The following TMEM255B variants were observed in gnomAD, a reference collection of about 807,000 sequenced individuals.
TMEM255B encodes family with sequence similarity 70, member B.
Under a neutral mutation model 34.5 loss-of-function variants are expected in TMEM255B, and 35 were observed. The observed-to-expected ratio is 1.01, with a 90% CI of 0.77 to 1.34. The LOEUF is 1.34. Among genes scored for constraint, TMEM255B ranks in the 40% most tolerant of loss-of-function variants. The pLI, the probability that TMEM255B is intolerant of heterozygous loss-of-function variation, is 0.00. For synonymous variants in TMEM255B, 206 were observed against 201.2 expected (o/e 1.02, Z -0.20); for missense variants, 432 against 433.2 (o/e 1.00, Z 0.02).
rs145687687 is a variant in TMEM255B, at chr13:113,768,323, T to C, written c.190-775T>C. 1.5e-3 allele frequency: 696 copies of C among 449,148 alleles called. 8 individuals are homozygous for C. The highest frequency in any genetic ancestry group is 8.5e-3 in the South Asian group (536 of 62,808). The allele number at this position is 449,148 out of a possible 1,614,324, so 27.8% of individuals were successfully genotyped here. A position where few individuals can be genotyped will look rare whatever the true frequency, so the allele number is the denominator to read the frequency against. On this transcript the variant is annotated intron_variant, in intron 2 of 8. Transcript: ENST00000375353. ...TGATTTTAAAAATTCCTCTGCCAGG[T>C]GGGCGTCACCTGCCAGGACGGGCCC...
At chr13:113,774,844 C>A (rs555582287) in intron 3 of TMEM255B, among the ~76,000 whole-genome samples, 79 of 151,070 alleles carry the variant, frequency 5.2e-4, no homozygotes, top group Non-Finnish European at 9.0e-4. Flanking sequence ...ACACACACAA[C>A]ACACAATGCA....
In TMEM255B at chr13:113,814,822, G is replaced by T. The variant is rs1489194245; in HGVS notation, c.*2919G>T. On this transcript the variant is annotated 3_prime_UTR_variant, in exon 9 of 9. Coordinates refer to ENST00000375353, the MANE Select transcript of TMEM255B (RefSeq NM_182614.4). ...CACAGCCGAGGTCAGTGAGACCCTG[G>T]AGGCCGCGGGAGATGGGGTGGAGGG... 1 of 151,152 alleles carries T rather than the reference G, an allele frequency of 6.6e-6. No homozygotes were observed. The highest frequency in any genetic ancestry group is 1.5e-5 in the Non-Finnish European group (1 of 67,754). 9.4% of individuals were successfully genotyped at this position (151,152 alleles called of 1,614,324 possible). A position where few individuals can be genotyped will look rare whatever the true frequency, so the allele number is the denominator to read the frequency against.
At chr13:113,805,611 C>T (rs969769866) in intron 8 of TMEM255B, among the ~76,000 whole-genome samples, 6 of 152,170 alleles carry the variant, frequency 3.9e-5, no homozygotes, top group South Asian at 4.1e-4. Context: ...TGAAACAGAC[C>T]GGGCCACGTT....
At chr13:113,788,884 G>GCCTC (rs1259968555) in intron 3 of TMEM255B, among the ~76,000 whole-genome samples, 11 of 151,748 alleles carry the variant, frequency 7.2e-5, no homozygotes, top group East Asian at 1.9e-4. Context: ...GCCGCGCCGC[G>GCCTC]CCTCCCTCCC....
chr13:113,808,267 T>G (rs1313882044), intron 8 of TMEM255B, among the ~76,000 whole-genome samples: 1 of 152,128 alleles, frequency 6.6e-6, no homozygotes, highest in Non-Finnish European at 1.5e-5. Context: ...AAGGACAATT[T>G]AAAGAGATCA....
intron 3 of TMEM255B, among the ~76,000 whole-genome samples, chr13:113,790,993 T>C (rs1490199758): frequency 6.6e-6 from 1 of 152,260 alleles, no homozygotes; most frequent in African/African-American, 2.4e-5. Context: ...GGAAGTGTTA[T>C]GCATGACCAA....
chr13:113,776,234 G>A (rs966467992), intron 3 of TMEM255B, among the ~76,000 whole-genome samples: 19 of 152,220 alleles, frequency 1.2e-4, no homozygotes, highest in African/African-American at 2.4e-5. Context: ...TGAGTGGAGC[G>A]ACTTGGGGGC....
At chr13:113,804,474 A>C (rs1566330552) in intron 7 of TMEM255B, among the ~76,000 whole-genome samples, 1 of 152,136 alleles carries the variant, frequency 6.6e-6, no homozygotes, top group African/African-American at 2.4e-5. Context: ...AAAAAAGTAA[A>C]AGAGAGCCCG....
intron 7 of TMEM255B, among the ~76,000 whole-genome samples, chr13:113,803,522 C>T (rs560556185): frequency 1.3e-5 from 2 of 148,284 alleles, no homozygotes; most frequent in South Asian, 2.1e-4. Flanking sequence ...GCCTCCTCCG[C>T]GTGTGACTCC....
rs2050385263 is a variant in TMEM255B at position 113,766,182 on chromosome 13, C to T, written c.114C>T (p.Leu38=). ...FVGSLLLVSV[L]IVTVGLAATT... ...GGTCTCTGCTGCTGGTGTCCGTCCT[C>T]ATAGTCACCGTCGGGCTGGCTGCCA... The change falls in exon 2 of 9, where the codon CTC becomes CTT. Residue 38 remains leucine, a synonymous_variant. Transcript: ENST00000375353. The T allele has an allele frequency of 6.2e-7, 1 of 1,614,216 alleles. No individual in the cohort carries two copies. Among genetic ancestry groups the T allele is most frequent in the Admixed American group, 1.7e-5 (1 of 60,032 alleles).
chr13:113,803,149 G>C (rs535146132), intron 7 of TMEM255B: 5 of 147,610 alleles, frequency 3.4e-5, no homozygotes, highest in South Asian at 2.1e-4. Flanking sequence ...GAAGGGGCTC[G>C]TGTGTTCATT....
At position 113,806,231 on chromosome 13, in the gene TMEM255B, C is replaced by T. The variant is rs1259511558; in HGVS notation, c.813+1203C>T. Among the ~76,000 whole-genome samples the T allele has an allele frequency of 6.6e-6, 1 of 152,118 alleles. No individual in the cohort carries two copies. The highest frequency in any genetic ancestry group is 1.5e-5 in the Non-Finnish European group (1 of 68,008). ...TTCTCAGCTCACCTGGGGACCTGCA[C>T]CAGGGACCCCGAGGAGGGAGCAGGA... is the stretch of plus-strand genomic sequence containing the variant. On this transcript the variant is annotated intron_variant, in intron 8 of 8. Coordinates refer to ENST00000375353, the MANE Select transcript of TMEM255B (RefSeq NM_182614.4). The surrounding 1 kb of genome is among the most constrained non-coding windows in gnomAD (Gnocchi z 4.2).
rs916108780 is a variant in TMEM255B at position 113,799,657 on chromosome 13, CAG to C, written c.423+241_423+242del. The C allele has an allele frequency of 6.6e-5, 43 of 646,994 alleles. No homozygotes were observed. In the Admixed American group the frequency reaches 9.0e-4, roughly 13 times the overall value. 40.1% of individuals were successfully genotyped at this position (646,994 alleles called of 1,614,324 possible). A position where few individuals can be genotyped will look rare whatever the true frequency, so the allele number is the denominator to read the frequency against. On this transcript the variant is annotated intron_variant, in intron 5 of 8. Coordinates refer to ENST00000375353, the MANE Select transcript of TMEM255B (RefSeq NM_182614.4). Reference sequence around the variant, plus strand: ...TTGCTTCATTAAATCACAACAGTCTCAGAGTGCACGTGTCCAGTTCTGTATGG... The same window carrying C: ...TTGCTTCATTAAATCACAACAGTCTCAGTGCACGTGTCCAGTTCTGTATGG...
intron 1 of TMEM255B, 91 bp downstream of exon 1, chr13:113,759,406 G>A (rs1304587875): frequency 8.6e-7 from 1 of 1,157,764 alleles, no homozygotes; most frequent in Non-Finnish European, 1.1e-6. Context: ...CGGCCCGGGC[G>A]GAACCTGCGC....
intron 3 of TMEM255B, among the ~76,000 whole-genome samples, chr13:113,788,579 C>T (rs2050779050): frequency 6.6e-6 from 1 of 152,084 alleles, no homozygotes; most frequent in Non-Finnish European, 1.5e-5. Flanking sequence ...GGATTTATGG[C>T]GTACACAGCC....
At chr13:113,765,311 A>G (rs941637449) in intron 1 of TMEM255B, among the ~76,000 whole-genome samples, 2 of 152,168 alleles carry the variant, frequency 1.3e-5, no homozygotes, top group Admixed American at 6.5e-5. Flanking sequence ...GGATGTAACA[A>G]TCCCTTCCTT....
chr13:113,810,500 A>G (rs965895383), intron 8 of TMEM255B, among the ~76,000 whole-genome samples: 5 of 152,162 alleles, frequency 3.3e-5, no homozygotes, highest in African/African-American at 7.2e-5. Context: ...AGCAGAGCCT[A>G]TGGGAGAATA....
At position 113,769,792 on chromosome 13, in the gene TMEM255B, T is replaced by G. The variant is rs979802577; in HGVS notation, c.252+632T>G. The G allele has an allele frequency of 6.6e-6, 1 of 152,520 alleles. No homozygotes were observed. Among genetic ancestry groups the G allele is most frequent in the Non-Finnish European group, 1.5e-5 (1 of 68,296 alleles). 9.4% of individuals were successfully genotyped at this position (152,520 alleles called of 1,614,324 possible). On this transcript the variant is annotated intron_variant, in intron 3 of 8. Coordinates refer to ENST00000375353, the MANE Select transcript of TMEM255B (RefSeq NM_182614.4). The surrounding 1 kb of genome is among the most constrained non-coding windows in gnomAD (Gnocchi z 4.2). The stretch of plus-strand genomic sequence containing the variant: ...AACTTTAAAAACAAAAACTGGCTAA[T>G]TTTGTCAGTTCACGGTGGCAGCCAG...
intron 3 of TMEM255B, among the ~76,000 whole-genome samples, chr13:113,777,527 T>TG (rs2050599047): frequency 6.6e-6 from 1 of 152,138 alleles, no homozygotes; most frequent in South Asian, 2.1e-4. Context: ...GCTGTGTCTC[T>TG]GGGGGCAGCT....
Sources: gnomAD v4.1 joint callset for allele counts (sites outside exome capture counted in the v4.1 genomes callset) on GRCh38, gnomAD v4.1.1 for gene constraint, Gnocchi (gnomAD v3.1) non-coding constraint, MANE v1.5 for transcripts, NCBI Gene and HGNC (gene_info 2026-07-23, HGNC 2026-07-21) for gene names.